SLC35F4: variants seen among roughly 807,000 people sequenced by gnomAD.
SLC35F4 encodes the protein solute carrier family 35 member F4, also known as chromosome 14 open reading frame 36.
SLC35F4 carries 24 observed loss-of-function variants against 44.2 expected under a neutral mutation model. The observed-to-expected ratio is 0.54, with a 90% CI of 0.39 to 0.76. The LOEUF (loss-of-function observed/expected upper bound fraction) is 0.76, where lower values mean the gene tolerates loss of function less well. SLC35F4 is among the 30% of genes least tolerant of loss of function. SLC35F4 has a pLI of 0.00. For missense variants in SLC35F4, 562 were observed against 586.1 expected (o/e 0.96, Z 0.42); for synonymous variants, 238 against 223.6 (o/e 1.06, Z -0.57).
intron 1 of SLC35F4, among the ~76,000 whole-genome samples, chr14:57,853,022 T>C (rs1339000419): frequency 2.0e-5 from 3 of 152,228 alleles, no homozygotes; most frequent in Non-Finnish European, 4.4e-5. Context: ...ATGTTCAATC[T>C]CTGTTTAAAT....
intron 1 of SLC35F4, among the ~76,000 whole-genome samples, chr14:57,724,545 A>C (rs2076157685): frequency 6.6e-6 from 1 of 152,110 alleles, no homozygotes; most frequent in African/African-American, 2.4e-5. Context: ...CATCAAATTG[A>C]AGTGGTATAT....
chr14:57,938,035 C>T (rs912739782), intron 1 of SLC35F4, among the ~76,000 whole-genome samples: 9 of 152,140 alleles, frequency 5.9e-5, no homozygotes, highest in African/African-American at 1.4e-4. Flanking sequence ...GCTGAAAATG[C>T]GTCTTCCTTA....
rs1034342213 is a variant in SLC35F4, at chr14:57,900,003, T to G, written n.282+81910A>C. 5.3e-5 allele frequency among the ~76,000 whole-genome samples: 8 copies of G among 152,244 alleles called. No individual in the cohort carries two copies. The East Asian group carries it at 7.8e-4, about 15-fold the overall frequency. ...ATTCCCTTATTTGTCCCCTCCCATG[T>G]TCCATTTTTGTCCGATTAGAGTGCC... is the stretch of plus-strand genomic sequence containing the variant. On this transcript the variant is annotated intron_variant and non_coding_transcript_variant, in intron 1 of 1. Coordinates refer to the SLC35F4 transcript ENST00000556568.
At chr14:57,784,276 A>G (rs1457871761) in intron 1 of SLC35F4, among the ~76,000 whole-genome samples, 1 of 152,226 alleles carries the variant, frequency 6.6e-6, no homozygotes, top group African/African-American at 2.4e-5. Context: ...CAATCTGGCT[A>G]AAGGGTCCCA....
At chr14:57,910,020 T>C (rs989578343) in intron 1 of SLC35F4, among the ~76,000 whole-genome samples, 7 of 152,166 alleles carry the variant, frequency 4.6e-5, no homozygotes, top group African/African-American at 1.7e-4. Context: ...ATCTCACTGT[T>C]GTTTCAATTT....
chr14:57,600,718 A>AC lies in SLC35F4; in HGVS notation c.104-6595_104-6594insG, dbSNP rs1491387067. Among the ~76,000 whole-genome samples the AC allele has an allele frequency of 1.3e-3, 198 of 146,920 alleles. 3 individuals are homozygous for AC. The highest frequency in any genetic ancestry group is 4.8e-3 in the African/African-American group (193 of 39,948). On this transcript the variant is annotated intron_variant, in intron 1 of 7. Coordinates refer to ENST00000556826, the MANE Select transcript of SLC35F4 (RefSeq NM_001306087.2). Reference sequence around the variant, plus strand: ...AAAAAAAAAAAAAAAAAAAAAAAAAAACCAAAAAGATAAAATATCAATAAC... The same window carrying AC: ...AAAAAAAAAAAAAAAAAAAAAAAAAACACCAAAAAGATAAAATATCAATAAC...
At chr14:57,688,290 G>A (rs994641826) in intron 1 of SLC35F4, among the ~76,000 whole-genome samples, 2 of 152,116 alleles carry the variant, frequency 1.3e-5, no homozygotes, top group African/African-American at 4.8e-5. Context: ...ACAGACATGT[G>A]GGACCTAATG....
intron 1 of SLC35F4, among the ~76,000 whole-genome samples, chr14:57,802,985 C>CAAAAAAAAAAAAAAAAAAA (rs59647111): frequency 1.4e-5 from 1 of 71,320 alleles, no homozygotes; most frequent in Non-Finnish European, 2.6e-5. Flanking sequence ...GCAGAGATAC[C>CAAAAAAAAAAAAAAAAAAA]AAAAAAAAAA....
chr14:57,894,362 T>C (rs1252915787), intron 1 of SLC35F4, among the ~76,000 whole-genome samples: 1 of 151,968 alleles, frequency 6.6e-6, no homozygotes, highest in Admixed American at 6.6e-5. Context: ...ACTATTTAAA[T>C]GGCAAAAAAA....
intron 1 of SLC35F4, among the ~76,000 whole-genome samples, chr14:57,706,668 C>T (rs147678234): frequency 1.0e-3 from 154 of 152,208 alleles, no homozygotes; most frequent in African/African-American, 3.6e-3. Flanking sequence ...CATTTGGCCA[C>T]ATGAGTGGAG....
chr14:57,971,056 G>A (rs1881040173), intron 1 of SLC35F4, among the ~76,000 whole-genome samples: 1 of 152,076 alleles, frequency 6.6e-6, no homozygotes, highest in Admixed American at 6.5e-5. Flanking sequence ...CCAAATTAAT[G>A]GGTTACCTCA....
chr14:57,758,930 CTCTT>C (rs1236482824), intron 1 of SLC35F4, among the ~76,000 whole-genome samples: 2 of 152,138 alleles, frequency 1.3e-5, no homozygotes, highest in African/African-American at 2.4e-5. Context: ...CCATTCTATC[CTCTT>C]TCTATGAGTT....
At chr14:57,664,350 G>T (rs529954442) in intron 1 of SLC35F4, among the ~76,000 whole-genome samples, 2 of 152,242 alleles carry the variant, frequency 1.3e-5, no homozygotes, top group South Asian at 4.1e-4. Flanking sequence ...CCTGTTAAAT[G>T]AATGGGACAC....
intron 1 of SLC35F4, among the ~76,000 whole-genome samples, chr14:57,712,681 T>C: frequency 6.6e-6 from 1 of 152,232 alleles, no homozygotes; most frequent in East Asian, 1.9e-4. Context: ...AACAAATAGA[T>C]TTTTAAAAGT....
intron 1 of SLC35F4, among the ~76,000 whole-genome samples, chr14:57,735,909 T>TG (rs964422149): frequency 6.6e-6 from 1 of 151,976 alleles, no homozygotes; most frequent in African/African-American, 2.4e-5. Flanking sequence ...CTTTTAGAGA[T>TG]GGGGGTCTCA....
chr14:57,608,240 G>A (rs2071281189), intron 1 of SLC35F4, among the ~76,000 whole-genome samples: 1 of 152,124 alleles, frequency 6.6e-6, no homozygotes. Flanking sequence ...ACATATTGAA[G>A]TTCTAACCCT....
intron 1 of SLC35F4, among the ~76,000 whole-genome samples, chr14:57,907,862 C>T (rs888470493): frequency 2.6e-5 from 4 of 151,898 alleles, no homozygotes; most frequent in African/African-American, 4.8e-5. Flanking sequence ...ATGTACAGAA[C>T]GTGCAGGGTT....
intron 1 of SLC35F4, among the ~76,000 whole-genome samples, chr14:57,896,061 C>G (rs550447001): frequency 6.6e-6 from 1 of 152,104 alleles, no homozygotes; most frequent in African/African-American, 2.4e-5. Context: ...CAAAATGCAG[C>G]GCAGACTGAT....
chr14:57,664,284 T>G (rs1324522831), intron 1 of SLC35F4, among the ~76,000 whole-genome samples: 1 of 152,188 alleles, frequency 6.6e-6, no homozygotes, highest in East Asian at 1.9e-4. Context: ...TCTTCTCTTT[T>G]ACCATGGAAG....
Sources: allele counts gnomAD v4.1 joint callset (sites outside exome capture counted in the v4.1 genomes callset), GRCh38; gene constraint gnomAD v4.1.1; transcripts MANE v1.5; gene names NCBI Gene and HGNC (gene_info 2026-07-23, HGNC 2026-07-21).